Variants in ATP9A observed in about 807,000 individuals in gnomAD.
The protein encoded by ATP9A is probable phospholipid-transporting ATPase IIA.
ATP9A carries 52 observed loss-of-function variants against 144.1 expected under a neutral mutation model. The observed-to-expected ratio is 0.36, with a 90% CI of 0.29 to 0.45. The LOEUF (loss-of-function observed/expected upper bound fraction) is 0.45, where lower values mean the gene tolerates loss of function less well. ATP9A is among the 20% of genes least tolerant of loss of function. The probability of loss-of-function intolerance (pLI) is 1.00; values close to 1 mark genes in which losing one functional copy is unlikely to be tolerated. For missense variants in ATP9A, 947 were observed against 1,392.7 expected (o/e 0.68, Z 5.09); for synonymous variants, 582 against 557.4 (o/e 1.04, Z -0.62).
At chr20:51,729,213 A>C (rs938015480) in intron 2 of ATP9A, among the ~76,000 whole-genome samples, 1 of 152,130 alleles carries the variant, frequency 6.6e-6, no homozygotes, top group Non-Finnish European at 1.5e-5. Flanking sequence ...TTTTGGTCAT[A>C]ATGCTAGGTC....
rs574459983 is a variant in ATP9A, at chr20:51,723,909, G to A, written c.327+1910C>T. ...AATAGAGCCAGGTGCAGTGTCTCAC[G>A]CCTATAATCCCAGCACTTTCGGAGG... is the stretch of plus-strand genomic sequence containing the variant. On this transcript the variant is annotated intron_variant, in intron 3 of 27. Coordinates refer to ENST00000338821, the MANE Select transcript of ATP9A (RefSeq NM_006045.3). 3.3e-5 allele frequency among the ~76,000 whole-genome samples: 5 copies of A among 152,180 alleles called. No homozygotes were observed. The South Asian group carries it at 1.0e-3, about 32-fold the overall frequency.
At chr20:51,656,261 A>C (rs1353956485) in intron 14 of ATP9A, among the ~76,000 whole-genome samples, 8 of 152,196 alleles carry the variant, frequency 5.3e-5, no homozygotes, top group Middle Eastern at 3.2e-3. Flanking sequence ...CTATATTAAG[A>C]AGCCATACTC....
chr20:51,654,930 C>A (rs1378011592), intron 14 of ATP9A, among the ~76,000 whole-genome samples: 1 of 152,134 alleles, frequency 6.6e-6, no homozygotes, highest in East Asian at 1.9e-4. Context: ...AGCCTCCTCC[C>A]TAGGGGCCTG....
At chr20:51,674,742 C>T (rs6126292) in intron 10 of ATP9A, among the ~76,000 whole-genome samples, 1 of 151,968 alleles carries the variant, frequency 6.6e-6, no homozygotes, top group African/African-American at 2.4e-5. Context: ...TACCCAACAC[C>T]AACTCGGCAG....
chr20:51,660,034 G>T (rs1488837333), intron 13 of ATP9A, among the ~76,000 whole-genome samples: 1 of 152,178 alleles, frequency 6.6e-6, no homozygotes, highest in African/African-American at 2.4e-5. Flanking sequence ...ATAAAGAAAA[G>T]ATTTACAGAA....
chr20:51,697,716 G>A (rs1438661066), intron 4 of ATP9A, among the ~76,000 whole-genome samples: 1 of 152,162 alleles, frequency 6.6e-6, no homozygotes, highest in East Asian at 1.9e-4. Context: ...AATAACTTCA[G>A]CCCTTCATGA....
chr20:51,622,085 C>T lies in ATP9A; in HGVS notation c.2104G>A (p.Val702Ile), dbSNP rs200642405. 55 of 1,613,976 alleles carry T rather than the reference C, an allele frequency of 3.4e-5. 1 individual carries two copies. In the East Asian group the frequency reaches 4.5e-4, roughly 13 times the overall value. ...AGAGGACACTTTACCAGCCGAAAAA[C>T]GTGGATGTCTTGGTTTCTGGTCACC... ...HLVTRNQDIH[V>I]FRLVTNRGEA... The change falls in exon 19 of 28, where the codon GTT becomes ATT. Residue 702 changes from valine to isoleucine, a missense_variant. By Grantham distance (29) the Val-to-Ile change is conservative. Transcript: ENST00000338821.
intron 1 of ATP9A, among the ~76,000 whole-genome samples, chr20:51,767,303 T>C (rs1363405692): frequency 6.6e-6 from 1 of 152,100 alleles, no homozygotes; most frequent in Non-Finnish European, 1.5e-5. Context: ...GCGCGGCCTG[T>C]GGAGCTGCAC....
In ATP9A at chr20:51,661,526, CT is replaced by C. The variant is rs533280164; in HGVS notation, c.1294-4377del. ...CACAGGCGTGCACCACCATGCCCAG[CT>C]TTTTTTTTTTTTTTTTTTTTTTGGT... On this transcript the variant is annotated intron_variant, in intron 13 of 27. Transcript: ENST00000338821. 5.1e-3 allele frequency among the ~76,000 whole-genome samples: 551 copies of C among 108,680 alleles called. 2 individuals carry two copies. Among genetic ancestry groups the C allele is most frequent in the African/African-American group, 0.018 (494 of 26,942 alleles). The allele number at this position is 108,680 out of a possible 152,430, so 71.3% of individuals were successfully genotyped here. A position where few individuals can be genotyped will look rare whatever the true frequency, so the allele number is the denominator to read the frequency against.
intron 4 of ATP9A, among the ~76,000 whole-genome samples, chr20:51,709,059 T>C (rs537153286): frequency 6.6e-6 from 1 of 152,312 alleles, no homozygotes; most frequent in South Asian, 2.1e-4. Context: ...CTCAATTTAT[T>C]TGATTTTGGT....
In ATP9A at chr20:51,641,786, G is replaced by A. The variant is rs138181876; in HGVS notation, c.1507-2282C>T. 7.0e-3 allele frequency among the ~76,000 whole-genome samples: 980 copies of A among 139,416 alleles called. 5 individuals carry two copies. Among genetic ancestry groups the A allele is most frequent in the African/African-American group, 0.014 (552 of 38,942 alleles). 91.5% of individuals were successfully genotyped at this position (139,416 alleles called of 152,430 possible). On this transcript the variant is annotated intron_variant, in intron 14 of 27. Transcript: ENST00000338821. The stretch of plus-strand genomic sequence containing the variant: ...GCAGAGGTTGCAGTGAGCCGAGGTC[G>A]CGCCATTGCACTCCAGTTTGGGCAA...
chr20:51,674,781 G>C (rs567696907), intron 10 of ATP9A, among the ~76,000 whole-genome samples: 1 of 152,184 alleles, frequency 6.6e-6, no homozygotes, highest in South Asian at 2.1e-4. Context: ...GCACACCAGT[G>C]GTGGCACCCG....
At chr20:51,760,533 C>T (rs1298342282) in intron 1 of ATP9A, among the ~76,000 whole-genome samples, 1 of 151,194 alleles carries the variant, frequency 6.6e-6, no homozygotes, top group Non-Finnish European at 1.5e-5. Context: ...TCGAGACTAG[C>T]CTGGCCAACA....
chr20:51,659,216 T>C (rs2077401474), intron 13 of ATP9A, among the ~76,000 whole-genome samples: 1 of 152,158 alleles, frequency 6.6e-6, no homozygotes, highest in Non-Finnish European at 1.5e-5. Flanking sequence ...TCCACTTGCC[T>C]TCCCGTTGCA....
chr20:51,626,999 G>A (rs1467415), intron 17 of ATP9A, among the ~76,000 whole-genome samples: 66,507 of 149,712 alleles, frequency 0.44, 15,511 homozygotes, highest in East Asian at 0.68. Flanking sequence ...GGAGGTTACA[G>A]TGAGCCAAGA....
chr20:51,717,110 T>C (rs1016149126), intron 3 of ATP9A, among the ~76,000 whole-genome samples: 51 of 147,244 alleles, frequency 3.5e-4, no homozygotes, highest in African/African-American at 1.2e-3. Context: ...AGGCGGAAGT[T>C]ACAGTGAGCT....
At chr20:51,655,455 TG>T (rs1390115508) in intron 14 of ATP9A, among the ~76,000 whole-genome samples, 1 of 150,286 alleles carries the variant, frequency 6.7e-6, no homozygotes, top group Non-Finnish European at 1.5e-5. Context: ...ACAGACAAAG[TG>T]AAAATGGATA....
intron 1 of ATP9A, among the ~76,000 whole-genome samples, chr20:51,743,524 C>T (rs753867019): frequency 2.7e-5 from 4 of 150,134 alleles, no homozygotes; most frequent in East Asian, 2.0e-4. Context: ...CTCGACCTCC[C>T]GAGTAGCTGG....
At chr20:51,689,585 T>C (rs886386327) in intron 8 of ATP9A, among the ~76,000 whole-genome samples, 12 of 151,130 alleles carry the variant, frequency 7.9e-5, no homozygotes, top group African/African-American at 1.2e-4. Context: ...CCACCCAGGC[T>C]GGAGTGCAGT....
Sources: allele counts gnomAD v4.1 joint callset (sites outside exome capture counted in the v4.1 genomes callset), GRCh38; gene constraint gnomAD v4.1.1; transcripts MANE v1.5; gene names NCBI Gene and HGNC (gene_info 2026-07-23, HGNC 2026-07-21).